Variants in DSCAML1 observed in about 807,000 individuals in gnomAD.
DSCAML1 encodes the protein cell adhesion molecule DSCAML1.
A neutral mutation model predicts 200.5 loss-of-function variants in DSCAML1; 38 were observed. The ratio of observed to expected loss-of-function variants is 0.19; its 90% CI spans 0.15 to 0.25. The LOEUF is 0.25. Ranked by LOEUF, DSCAML1 falls within the 10% of genes least tolerant of loss-of-function variation. DSCAML1 has a pLI of 1.00. For synonymous variants in DSCAML1, 1,215 were observed against 1,165.0 expected (o/e 1.04, Z -0.87); for missense variants, 2,223 against 2,858.8 (o/e 0.78, Z 5.07).
At chr11:117,430,645 C>G in intron 32 of DSCAML1, 77 bp downstream of exon 32, 1 of 1,481,766 alleles carries the variant, frequency 6.7e-7, no homozygotes, top group Non-Finnish European at 9.0e-7. Flanking sequence ...GCTGGCAGAA[C>G]TAGATCTAGC....
chr11:117,802,253 T>C (rs926812056), upstream of DSCAML1, among the ~76,000 whole-genome samples: 4 of 152,134 alleles, frequency 2.6e-5, no homozygotes. Context: ...CAGGGCCTGG[T>C]CAGGCACCCC....
chr11:117,527,580 G>C (rs1053588548), intron 4 of DSCAML1, among the ~76,000 whole-genome samples: 2 of 152,216 alleles, frequency 1.3e-5, no homozygotes, highest in Admixed American at 1.3e-4. Flanking sequence ...GAGGCACAAA[G>C]AGATGAGGAT....
At chr11:117,593,639 G>A (rs1055923726) in intron 3 of DSCAML1, among the ~76,000 whole-genome samples, 1 of 151,974 alleles carries the variant, frequency 6.6e-6, no homozygotes, top group Admixed American at 6.6e-5. Flanking sequence ...AGAGCCGCCT[G>A]TTTCTGCCTG....
chr11:117,617,484 G>T (rs1049100694), intron 3 of DSCAML1, among the ~76,000 whole-genome samples: 2 of 152,170 alleles, frequency 1.3e-5, no homozygotes, highest in Non-Finnish European at 2.9e-5. Context: ...GGCACTGTGG[G>T]ATGCCTGCGA....
chr11:117,476,798 C>T (rs2048802331), intron 14 of DSCAML1, among the ~76,000 whole-genome samples: 3 of 152,206 alleles, frequency 2.0e-5, no homozygotes, highest in African/African-American at 7.2e-5. Flanking sequence ...AGTAATTTCT[C>T]TTGGAAAATT....
chr11:117,504,840 A>G lies in DSCAML1; in HGVS notation c.2182+84T>C, dbSNP rs2137276610. ...CCATCCAGGGATAGGAGTTGCCTGC[A>G]TGGAACAGGTTCAAATCCCACAGAG... On this transcript the variant is annotated intron_variant, in intron 10 of 32. Transcript: ENST00000651296. This position sits in a 1 kb window ranked among gnomAD's most constrained non-coding sequence, Gnocchi z 5.0. 1.3e-6 allele frequency: 2 copies of G among 1,500,496 alleles called. No individual in the cohort carries two copies. Among genetic ancestry groups the G allele is most frequent in the South Asian group, 1.5e-5 (1 of 68,686 alleles). 92.9% of individuals were successfully genotyped at this position (1,500,496 alleles called of 1,614,324 possible).
intron 3 of DSCAML1, among the ~76,000 whole-genome samples, chr11:117,771,086 G>T (rs1264027156): frequency 1.3e-5 from 2 of 152,174 alleles, no homozygotes; most frequent in Non-Finnish European, 2.9e-5. Flanking sequence ...GATTCCACAT[G>T]TTCATAGCCT....
intron 3 of DSCAML1, among the ~76,000 whole-genome samples, chr11:117,650,021 G>A (rs531301774): frequency 7.2e-5 from 11 of 152,312 alleles, no homozygotes; most frequent in African/African-American, 1.7e-4. Context: ...ACTGAGCAGC[G>A]GTTGGCACAG....
At position 117,481,986 on chromosome 11, in the gene DSCAML1, C is replaced by T. The variant is rs750839980; in HGVS notation, c.2536G>A (p.Asp846Asn). The change falls in exon 12 of 33, where the codon GAC becomes AAC. Residue 846 changes from aspartate to asparagine, a missense_variant. Around this residue, in one of 7 missense-constraint regions of DSCAML1, gnomAD observed 438 missense variants for 629.7 expected, o/e 0.70. Coordinates refer to ENST00000651296, the MANE Select transcript of DSCAML1 (RefSeq NM_020693.4). ...ACCTTCAGTGTGGAGACGACCTCGT[C>T]GCCGTTGTCCTTGGTGGCGATGGCA... ...RYAIATKDNG[D>N]EVVSTLKLKP... 1.1e-5 allele frequency: 17 copies of T among 1,614,010 alleles called. No homozygotes were observed. Among genetic ancestry groups the T allele is most frequent in the South Asian group, 9.9e-5 (9 of 91,088 alleles).
intron 3 of DSCAML1, among the ~76,000 whole-genome samples, chr11:117,650,238 G>A (rs1242973796): frequency 6.6e-6 from 1 of 152,186 alleles, no homozygotes; most frequent in East Asian, 1.9e-4. Context: ...ACATGATTCT[G>A]AGGTGCTGCC....
intron 3 of DSCAML1, among the ~76,000 whole-genome samples, chr11:117,662,492 G>C (rs2052876169): frequency 1.3e-5 from 2 of 152,236 alleles, no homozygotes; most frequent in Admixed American, 1.3e-4. Flanking sequence ...GTTCACGGAT[G>C]ACCACTCGTC....
chr11:117,431,103 C>A, intron 31 of DSCAML1, 70 bp from the exon 32 acceptor site: 1 of 1,443,776 alleles, frequency 6.9e-7, no homozygotes, highest in Admixed American at 1.9e-5. Context: ...GAGCACTTCC[C>A]CTGCCCGTAA....
intron 3 of DSCAML1, among the ~76,000 whole-genome samples, chr11:117,636,242 T>C (rs2052279995): frequency 6.6e-6 from 1 of 152,152 alleles, no homozygotes; most frequent in Non-Finnish European, 1.5e-5. Flanking sequence ...CATCCATATG[T>C]CTCCTGGCCA....
chr11:117,591,933 T>G (rs2051266991), intron 3 of DSCAML1, among the ~76,000 whole-genome samples: 1 of 152,050 alleles, frequency 6.6e-6, no homozygotes, highest in Non-Finnish European at 1.5e-5. Context: ...TCCTGCAAGT[T>G]CTAAACAAAG....
intron 3 of DSCAML1, among the ~76,000 whole-genome samples, chr11:117,747,921 G>A (rs963032203): frequency 9.9e-5 from 15 of 152,230 alleles, no homozygotes; most frequent in Admixed American, 9.8e-4. Flanking sequence ...ACCAGGAAAG[G>A]AGCCCTCTAA....
At chr11:117,695,413 A>T (rs2053573963) in intron 3 of DSCAML1, among the ~76,000 whole-genome samples, 1 of 149,676 alleles carries the variant, frequency 6.7e-6, no homozygotes, top group Non-Finnish European at 1.5e-5. Context: ...GCATGGTAGG[A>T]ACTGCAGATG....
intron 5 of DSCAML1, among the ~76,000 whole-genome samples, chr11:117,522,248 G>C (rs2049898575): frequency 6.6e-6 from 1 of 152,148 alleles, no homozygotes; most frequent in Non-Finnish European, 1.5e-5. Context: ...CCCAGGTTGG[G>C]CTAAGGATCC....
chr11:117,763,714 G>A (rs2054846020), intron 3 of DSCAML1, among the ~76,000 whole-genome samples: 1 of 151,872 alleles, frequency 6.6e-6, no homozygotes, highest in African/African-American at 2.4e-5. Context: ...GGATCACACA[G>A]GGAGCTTTAA....
At chr11:117,710,931 A>T (rs1165860703) in intron 3 of DSCAML1, among the ~76,000 whole-genome samples, 1 of 152,190 alleles carries the variant, frequency 6.6e-6, no homozygotes, top group Non-Finnish European at 1.5e-5. Context: ...TTAGAGTTGG[A>T]TCACTTCAAG....
Sources: allele counts gnomAD v4.1 joint callset (sites outside exome capture counted in the v4.1 genomes callset), GRCh38; gene constraint gnomAD v4.1.1; regional missense constraint gnomAD v4.1.1; non-coding constraint Gnocchi (gnomAD v3.1); transcripts MANE v1.5; gene names NCBI Gene and HGNC (gene_info 2026-07-23, HGNC 2026-07-21).